Variants in ABCB4 observed in about 807,000 individuals in gnomAD.
ABCB4 encodes the protein ATP binding cassette subfamily B member 4, also known as phosphatidylcholine translocator ABCB4.
ABCB4 carries 76 observed loss-of-function variants against 145.7 expected under a neutral mutation model. The ratio of observed to expected loss-of-function variants is 0.52; its 90% CI spans 0.43 to 0.63. ABCB4 has a LOEUF of 0.63. Among genes scored for constraint, ABCB4 ranks in the 30% least tolerant of loss-of-function variants. The pLI is 0.00. For synonymous variants in ABCB4, 517 were observed against 566.8 expected (o/e 0.91, Z 1.25); for missense variants, 1,234 against 1,553.1 (o/e 0.79, Z 3.45).
intron 12 of ABCB4, among the ~76,000 whole-genome samples, chr7:87,441,622 C>T (rs951888271): frequency 2.0e-5 from 3 of 151,436 alleles, no homozygotes; most frequent in Non-Finnish European, 4.4e-5. Flanking sequence ...CATTCTGTCA[C>T]TCAGGCTTTG....
intron 3 of ABCB4, among the ~76,000 whole-genome samples, chr7:87,463,326 T>C (rs1812593540): frequency 6.6e-6 from 1 of 151,920 alleles, no homozygotes; most frequent in Non-Finnish European, 1.5e-5. Flanking sequence ...GAATTTAAAA[T>C]AGAGGAAAAT....
At chr7:87,395,168 TC>T in the ABCB4 span, among the ~76,000 whole-genome samples, 1 of 152,018 alleles carries the variant, frequency 6.6e-6, no homozygotes. Context: ...CCAGTTTGAG[TC>T]CCACAGCTGA....
the ABCB4 span, among the ~76,000 whole-genome samples, chr7:87,374,230 AGGGAT>A: frequency 6.6e-6 from 1 of 152,126 alleles, no homozygotes; most frequent in Non-Finnish European, 1.5e-5. Context: ...AAAGGAAAAG[AGGGAT>A]TATCTTGTTA....
chr7:87,392,697 T>G, the ABCB4 span: 78 of 1,611,210 alleles, frequency 4.8e-5, no homozygotes, highest in Non-Finnish European at 6.2e-5. Context: ...TGAAAAATTT[T>G]TTTCTAACCT....
chr7:87,418,150 G>T (rs1411599207), intron 20 of ABCB4, among the ~76,000 whole-genome samples: 1 of 152,214 alleles, frequency 6.6e-6, no homozygotes, highest in East Asian at 1.9e-4. Context: ...TTCAGGGTGG[G>T]GCATGTGACC....
At position 87,430,050 on chromosome 7, in the gene ABCB4, C is replaced by T. The variant is rs188049146; in HGVS notation, c.1893+1354G>A. Among the ~76,000 whole-genome samples the T allele has an allele frequency of 2.7e-3, 411 of 152,236 alleles. 2 individuals carry two copies. Among genetic ancestry groups the T allele is most frequent in the Non-Finnish European group, 2.1e-3 (144 of 68,010 alleles). On this transcript the variant is annotated intron_variant, in intron 15 of 27. Coordinates refer to ENST00000649586, the MANE Select transcript of ABCB4 (RefSeq NM_000443.4). ...TATTTTTCTAAACTTATAGCAACCT[C>T]TCATGGTAGGTTTGGTATTCCAAAT...
At chr7:87,396,390 A>C in the ABCB4 span, among the ~76,000 whole-genome samples, 1 of 152,236 alleles carries the variant, frequency 6.6e-6, no homozygotes, top group East Asian at 1.9e-4. Flanking sequence ...TAGTAGAAGC[A>C]GTGCCAGAAC....
Position 87,408,179 on chromosome 7 carries a change from C to G in ABCB4, c.3137G>C (p.Arg1046Pro). 1 of 1,614,162 alleles carries G rather than the reference C, an allele frequency of 6.2e-7. No homozygotes were observed. The highest frequency in any genetic ancestry group is 8.5e-7 in the Non-Finnish European group (1 of 1,180,016). ...CCCCTGAAGCACTGGCACGTTTGCT[C>G]GGGTGGGATAGTTGAACACGACTTC... ...FNEVVFNYPT[R>P]ANVPVLQGLS... The change falls in exon 25 of 28, where the codon CGA becomes CCA. Residue 1046 changes from arginine to proline, a missense_variant. Arg to Pro is a moderately radical substitution (Grantham distance 103, BLOSUM62 -2). Around this residue, in one of 7 missense-constraint regions of ABCB4, gnomAD observed 301 missense variants for 389.0 expected, o/e 0.77. Coordinates refer to ENST00000649586, the MANE Select transcript of ABCB4 (RefSeq NM_000443.4).
chr7:87,440,090 T>G (rs1810868078), intron 13 of ABCB4, 109 bp downstream of exon 13: 1 of 1,304,844 alleles, frequency 7.7e-7, no homozygotes, highest in Non-Finnish European at 1.1e-6. Context: ...CTAGCAAAGT[T>G]GGACAATCTT....
chr7:87,413,679 C>T lies in ABCB4; in HGVS notation c.2721G>A (p.Val907=), dbSNP rs759525260. The stretch of plus-strand genomic sequence containing the variant: ...CAAATTTTCTTTCCTGGGTCAAAGA[C>T]ACAACTGTCCTAATATTTTCTATTG... The part of the protein sequence containing the change: ...TEAIENIRTV[V]SLTQERKFES... The change falls in exon 22 of 28, where the codon GTG becomes GTA. Residue 907 remains valine (V), a synonymous_variant. Coordinates refer to ENST00000649586, the MANE Select transcript of ABCB4 (RefSeq NM_000443.4). 6.2e-7 allele frequency: 1 copy of T among 1,612,746 alleles called. No individual in the cohort carries two copies. Among genetic ancestry groups the T allele is most frequent in the Non-Finnish European group, 8.5e-7 (1 of 1,179,324 alleles).
chr7:87,460,622 GTATTTATTTATTTATTTATT>G (rs3028335), intron 4 of ABCB4, among the ~76,000 whole-genome samples: 7 of 148,334 alleles, frequency 4.7e-5, no homozygotes, highest in Non-Finnish European at 7.4e-5. Context: ...ACACAATTTT[GTATTTATTTATTTATTTATT>G]TATTTATTTA....
chr7:87,385,489 A>G, the ABCB4 span, among the ~76,000 whole-genome samples: 1 of 151,624 alleles, frequency 6.6e-6, no homozygotes, highest in African/African-American at 2.4e-5. Flanking sequence ...TGTTTTTCAG[A>G]TTGTTTGCTT....
At chr7:87,463,314 G>A (rs1364849583) in intron 3 of ABCB4, among the ~76,000 whole-genome samples, 1 of 151,876 alleles carries the variant, frequency 6.6e-6, no homozygotes, top group Non-Finnish European at 1.5e-5. Context: ...ATTTCAGAGG[G>A]AGAATTTAAA....
At chr7:87,413,544 A>T in intron 22 of ABCB4, 73 bp downstream of exon 22, 1 of 993,124 alleles carries the variant, frequency 1.0e-6, no homozygotes. Flanking sequence ...CAGAGCTTTT[A>T]TTATCTTTTT....
At chr7:87,432,781 G>C (rs777976121) in intron 14 of ABCB4, among the ~76,000 whole-genome samples, 1 of 152,132 alleles carries the variant, frequency 6.6e-6, no homozygotes, top group Non-Finnish European at 1.5e-5. Flanking sequence ...TCTGGAATTC[G>C]ATAGCAGTGA....
the ABCB4 span, among the ~76,000 whole-genome samples, chr7:87,384,358 C>G: frequency 6.6e-6 from 1 of 152,056 alleles, no homozygotes; most frequent in Non-Finnish European, 1.5e-5. Flanking sequence ...ATAGCGAAAC[C>G]CTGTCTCTAC....
At chr7:87,377,679 C>T in the ABCB4 span, among the ~76,000 whole-genome samples, 2 of 152,086 alleles carry the variant, frequency 1.3e-5, no homozygotes. Context: ...ATGGGATTTG[C>T]ATATAATATT....
intron 2 of ABCB4, 26 bp from the exon 3 acceptor site, chr7:87,472,701 T>G: frequency 6.9e-7 from 1 of 1,457,134 alleles, no homozygotes; most frequent in Non-Finnish European, 9.6e-7. Context: ...TTGCTTCAAT[T>G]TAAAACTGTT....
the ABCB4 span, among the ~76,000 whole-genome samples, chr7:87,377,092 A>G: frequency 1.3e-5 from 2 of 152,124 alleles, no homozygotes; most frequent in African/African-American, 4.8e-5. Flanking sequence ...ACATTCATGA[A>G]TATTGTACCA....
Sources: gnomAD v4.1 joint callset for allele counts (sites outside exome capture counted in the v4.1 genomes callset) on GRCh38, gnomAD v4.1.1 for gene constraint, gnomAD v4.1.1 regional missense constraint, MANE v1.5 for transcripts, NCBI Gene and HGNC (gene_info 2026-07-23, HGNC 2026-07-21) for gene names.